Variants in DPP10 observed in about 807,000 individuals in gnomAD.
DPP10 encodes the protein inactive dipeptidyl peptidase 10.
A neutral mutation model predicts 120.9 loss-of-function variants in DPP10; 33 were observed. The observed-to-expected ratio is 0.27, with a 90% confidence interval of 0.21 to 0.37. DPP10 has a LOEUF of 0.37. DPP10 is among the 10% of genes least tolerant of loss of function. DPP10 has a pLI of 1.00. For synonymous variants in DPP10, 337 were observed against 326.1 expected (o/e 1.03, Z -0.36); for missense variants, 816 against 942.8 (o/e 0.87, Z 1.76).
intron 8 of DPP10, among the ~76,000 whole-genome samples, chr2:115,734,466 G>T (rs2092985362): frequency 6.6e-6 from 1 of 151,820 alleles, no homozygotes; most frequent in Non-Finnish European, 1.5e-5. Context: ...GACCAGCCTC[G>T]CCAACGTGGT....
intron 1 of DPP10, among the ~76,000 whole-genome samples, chr2:114,737,948 AAT>A (rs1021957880): frequency 6.6e-6 from 1 of 152,234 alleles, no homozygotes; most frequent in East Asian, 1.9e-4. Flanking sequence ...AAAGAGGTTT[AAT>A]GCGTTCACGG....
At chr2:115,020,062 T>A (rs1295959493) in intron 1 of DPP10, among the ~76,000 whole-genome samples, 1 of 152,048 alleles carries the variant, frequency 6.6e-6, no homozygotes, top group Non-Finnish European at 1.5e-5. Flanking sequence ...CTTTAAAGTG[T>A]AAATCTCACA....
intron 1 of DPP10, among the ~76,000 whole-genome samples, chr2:115,163,521 C>T (rs2052597211): frequency 6.6e-6 from 1 of 152,220 alleles, no homozygotes. Context: ...AATATTAAAA[C>T]ATCATACGTT....
chr2:115,119,370 G>A (rs937449989), intron 1 of DPP10, among the ~76,000 whole-genome samples: 3 of 152,192 alleles, frequency 2.0e-5, no homozygotes, highest in Admixed American at 1.3e-4. Flanking sequence ...TCTATTGGGA[G>A]ACTGGTGTTG....
At chr2:115,112,087 T>C (rs533033124) in intron 1 of DPP10, among the ~76,000 whole-genome samples, 2 of 152,342 alleles carry the variant, frequency 1.3e-5, no homozygotes, top group Non-Finnish European at 2.9e-5. Context: ...AAGATGTGCC[T>C]TCCCTTCTCT....
At chr2:115,336,761 T>C (rs1012100806) in intron 2 of DPP10, among the ~76,000 whole-genome samples, 3 of 152,120 alleles carry the variant, frequency 2.0e-5, no homozygotes, top group Non-Finnish European at 4.4e-5. Context: ...TTAGAATTTC[T>C]TTCTCTAAAG....
rs1690388482 is a variant in DPP10, at chr2:115,843,872, G to C, written c.*1527G>C. The C allele has an allele frequency of 6.6e-6, 1 of 152,620 alleles. No individual in the cohort carries two copies. Among genetic ancestry groups the C allele is most frequent in the African/African-American group, 2.4e-5 (1 of 41,454 alleles). 9.5% of individuals were successfully genotyped at this position (152,620 alleles called of 1,614,324 possible). A position where few individuals can be genotyped will look rare whatever the true frequency, so the allele number is the denominator to read the frequency against. The stretch of plus-strand genomic sequence containing the variant: ...TGGTTTTAAAAAAGTCCTTAGGACA[G>C]ACTGAATTATCATAACTTATGGCAT... On this transcript the variant is annotated 3_prime_UTR_variant, in exon 26 of 26. Transcript: ENST00000410059.
chr2:115,261,471 A>C (rs1179506674), intron 1 of DPP10, among the ~76,000 whole-genome samples: 1 of 152,214 alleles, frequency 6.6e-6, no homozygotes, highest in East Asian at 1.9e-4. Flanking sequence ...TTTGGCCTTC[A>C]GCATTTTTGT....
intron 1 of DPP10, among the ~76,000 whole-genome samples, chr2:115,184,020 A>G (rs1003166881): frequency 1.3e-5 from 2 of 152,262 alleles, no homozygotes; most frequent in Non-Finnish European, 2.9e-5. Context: ...TGTTTGCAAC[A>G]TTAGTTTTAA....
intron 5 of DPP10, among the ~76,000 whole-genome samples, chr2:115,659,693 G>T (rs2088737126): frequency 6.6e-6 from 1 of 152,122 alleles, no homozygotes; most frequent in Non-Finnish European, 1.5e-5. Context: ...GTAGGTTTTT[G>T]TATGTCTAAT....
intron 3 of DPP10, among the ~76,000 whole-genome samples, chr2:115,382,640 G>C (rs1441902711): frequency 6.6e-6 from 1 of 151,970 alleles, no homozygotes; most frequent in Non-Finnish European, 1.5e-5. Context: ...CTAGAAAATT[G>C]CTTTTAATGA....
intron 1 of DPP10, among the ~76,000 whole-genome samples, chr2:114,989,887 C>T (rs991933510): frequency 5.3e-5 from 8 of 152,102 alleles, no homozygotes; most frequent in Admixed American, 3.9e-4. Context: ...AGCTTGGTTT[C>T]CTTGGGAAAT....
chr2:115,469,648 G>A (rs899026295), intron 3 of DPP10, among the ~76,000 whole-genome samples: 1 of 152,030 alleles, frequency 6.6e-6, no homozygotes, highest in African/African-American at 2.4e-5. Context: ...CCTGTAATCC[G>A]AGCACTTTGG....
At chr2:115,463,672 C>T (rs769586586) in intron 3 of DPP10, among the ~76,000 whole-genome samples, 10 of 152,010 alleles carry the variant, frequency 6.6e-5, no homozygotes, top group Admixed American at 2.6e-4. Flanking sequence ...GGTCCATTTG[C>T]GTCTAATCTC....
At chr2:114,621,113 A>G (rs1361747453) in intron 1 of DPP10, among the ~76,000 whole-genome samples, 2 of 152,106 alleles carry the variant, frequency 1.3e-5, no homozygotes, top group Non-Finnish European at 1.5e-5. Context: ...CTCTCCACTG[A>G]GAATGAAACA....
At chr2:115,436,818 A>C (rs940402575) in intron 3 of DPP10, among the ~76,000 whole-genome samples, 2 of 151,876 alleles carry the variant, frequency 1.3e-5, no homozygotes, top group African/African-American at 4.8e-5. Context: ...CTGTATTTTG[A>C]GGTAGAAATT....
chr2:115,596,625 AAAGGGACAGC>A (rs2083005349), intron 5 of DPP10, among the ~76,000 whole-genome samples: 1 of 152,140 alleles, frequency 6.6e-6, no homozygotes, highest in Non-Finnish European at 1.5e-5. Context: ...GTGCAATTCT[AAAGGGACAGC>A]TCTTGTAAAA....
chr2:115,007,735 G>T lies in DPP10; in HGVS notation c.61-301504G>T, dbSNP rs1490825494. 1.2e-4 allele frequency among the ~76,000 whole-genome samples: 18 copies of T among 151,400 alleles called. No individual in the cohort carries two copies. The East Asian group carries it at 3.5e-3, about 29-fold the overall frequency. ...ATAAGCAACTTCAGCAAAGTCTCAGGATACAAAATCAATGTGCAAAAATCA... is the reference window on the plus strand; with the variant it reads ...ATAAGCAACTTCAGCAAAGTCTCAGTATACAAAATCAATGTGCAAAAATCA... On this transcript the variant is annotated intron_variant, in intron 1 of 25. Transcript: ENST00000410059.
intron 1 of DPP10, among the ~76,000 whole-genome samples, chr2:114,612,724 A>C (rs1395011458): frequency 1.3e-5 from 2 of 152,176 alleles, no homozygotes; most frequent in Non-Finnish European, 2.9e-5. Flanking sequence ...ATCCTGAGTT[A>C]GATTCCTGGC....
Sources: gnomAD v4.1 joint callset for allele counts (sites outside exome capture counted in the v4.1 genomes callset) on GRCh38, gnomAD v4.1.1 for gene constraint, MANE v1.5 for transcripts, NCBI Gene and HGNC (gene_info 2026-07-23, HGNC 2026-07-21) for gene names.